ILDR2: variants seen among roughly 807,000 people sequenced by gnomAD.
ILDR2 encodes immunoglobulin-like domain-containing receptor 2.
ILDR2 carries 25 observed loss-of-function variants against 66.8 expected under a neutral mutation model. The ratio of observed to expected loss-of-function variants is 0.37; its 90% confidence interval spans 0.27 to 0.52. The LOEUF is 0.52. Ranked by LOEUF, ILDR2 falls within the 20% of genes least tolerant of loss-of-function variation. The pLI is 0.88. For missense variants in ILDR2, 827 were observed against 876.8 expected (o/e 0.94, Z 0.72); for synonymous variants, 367 against 357.2 (o/e 1.03, Z -0.31).
chr1:166,950,851 C>G (rs1214793951), intron 3 of ILDR2, among the ~76,000 whole-genome samples: 3 of 151,912 alleles, frequency 2.0e-5, no homozygotes, highest in African/African-American at 7.3e-5. Flanking sequence ...AGGAGCGTGA[C>G]AGGAAAACAA....
chr1:166,964,816 T>C (rs1571206143), intron 1 of ILDR2, among the ~76,000 whole-genome samples: 1 of 152,210 alleles, frequency 6.6e-6, no homozygotes, highest in Admixed American at 6.5e-5. Flanking sequence ...AGATTCTATA[T>C]ATGATGAACT....
intron 1 of ILDR2, among the ~76,000 whole-genome samples, chr1:166,962,152 TC>T (rs1422852220): frequency 6.6e-6 from 1 of 152,186 alleles, no homozygotes; most frequent in African/African-American, 2.4e-5. Context: ...ATGAATGCCA[TC>T]CAGTCCCCAA....
In ILDR2 at chr1:166,965,570, G is replaced by GTTTTTT. The variant is rs535388259; in HGVS notation, c.47-7475_47-7470dup. On this transcript the variant is annotated intron_variant, in intron 1 of 9. Transcript: ENST00000271417. ...TTTGCCTGCCTTCAAGTTAGGTTTTGTTTTTTTTTTTGTTTTTTTTTTGAC... is the reference window on the plus strand; with the variant it reads ...TTTGCCTGCCTTCAAGTTAGGTTTTGTTTTTTTTTTTTTTTTTGTTTTTTTTTTGAC... 8.8e-3 allele frequency among the ~76,000 whole-genome samples: 1,115 copies of GTTTTTT among 127,004 alleles called. 19 individuals are homozygous for GTTTTTT. Among genetic ancestry groups the GTTTTTT allele is most frequent in the Non-Finnish European group, 0.011 (663 of 61,406 alleles). The allele number at this position is 127,004 out of a possible 152,430, so 83.3% of individuals were successfully genotyped here.
At chr1:166,975,080 C>A in intron 1 of ILDR2, 143 bp downstream of exon 1, 1 of 646,192 alleles carries the variant, frequency 1.5e-6, no homozygotes, top group Non-Finnish European at 2.9e-6. Context: ...ACACGTTGCC[C>A]CCTCCCCCAC....
At chr1:166,968,232 A>T (rs1210579529) in intron 1 of ILDR2, among the ~76,000 whole-genome samples, 2 of 152,162 alleles carry the variant, frequency 1.3e-5, no homozygotes, top group Admixed American at 1.3e-4. Flanking sequence ...AGTTTTCAGA[A>T]AACATCATGC....
rs972830905 is a variant in ILDR2 at position 166,913,428 on chromosome 1, T to G, written c.*5927A>C. The stretch of plus-strand genomic sequence containing the variant: ...TCTTTATTCTCACACAGCAAATTTC[T>G]TATGCAGTCGTGTCTAATACTTTTG... On this transcript the variant is annotated 3_prime_UTR_variant, in exon 10 of 10. Transcript: ENST00000271417. 2 of 152,192 alleles carry G rather than the reference T, an allele frequency of 1.3e-5. No individual in the cohort carries two copies. The highest frequency in any genetic ancestry group is 2.9e-5 in the Non-Finnish European group (2 of 68,030). The allele number at this position is 152,192 out of a possible 1,614,324, so 9.4% of individuals were successfully genotyped here.
At chr1:166,947,372 G>T in intron 3 of ILDR2, among the ~76,000 whole-genome samples, 1 of 152,208 alleles carries the variant, frequency 6.6e-6, no homozygotes, top group East Asian at 1.9e-4. Flanking sequence ...GCACACACTT[G>T]GTAGGTCTCA....
chr1:166,973,618 C>CCG lies in ILDR2; in HGVS notation c.46+1604_46+1605insCG, dbSNP rs1553233625. Among the ~76,000 whole-genome samples the CCG allele has an allele frequency of 2.7e-4, 30 of 112,558 alleles. 2 individuals carry two copies. Among genetic ancestry groups the CCG allele is most frequent in the African/African-American group, 1.2e-3 (27 of 22,838 alleles). The allele number at this position is 112,558 out of a possible 152,430, so 73.8% of individuals were successfully genotyped here. On this transcript the variant is annotated intron_variant, in intron 1 of 9. Coordinates refer to ENST00000271417, the MANE Select transcript of ILDR2 (RefSeq NM_199351.3). ...CCTCTGACTCAGGGACCCCTCCCCC[C>CCG]CCCCCCCGATGCCTGGCTGACTTCA... is the stretch of plus-strand genomic sequence containing the variant.
intron 9 of ILDR2, 45 bp from the exon 10 acceptor site, chr1:166,919,435 T>TA: frequency 6.4e-7 from 1 of 1,567,186 alleles, no homozygotes; most frequent in Non-Finnish European, 8.7e-7. Flanking sequence ...ACATGCTAGT[T>TA]AAAGAAAACA....
At chr1:166,933,299 C>A (rs1235668316) in intron 6 of ILDR2, among the ~76,000 whole-genome samples, 1 of 152,180 alleles carries the variant, frequency 6.6e-6, no homozygotes, top group African/African-American at 2.4e-5. Context: ...AAAAGTGATA[C>A]AAGGAAGAGA....
At chr1:166,971,758 T>C (rs1032935529) in intron 1 of ILDR2, among the ~76,000 whole-genome samples, 4 of 152,190 alleles carry the variant, frequency 2.6e-5, no homozygotes, top group Non-Finnish European at 5.9e-5. Flanking sequence ...CAACTGTGCA[T>C]AGCTGAAAAC....
intron 2 of ILDR2, among the ~76,000 whole-genome samples, chr1:166,902,325 G>A (rs1659279157): frequency 6.6e-6 from 1 of 152,250 alleles, no homozygotes; most frequent in East Asian, 1.9e-4. Context: ...CCTTCTTCCT[G>A]TCCTTCCCAA....
rs1192932408 is a variant in ILDR2 at position 166,920,834 on chromosome 1, G to A, written c.1757C>T (p.Ala586Val). The A allele has an allele frequency of 3.3e-6, 5 of 1,517,668 alleles. No homozygotes were observed. The South Asian group carries it at 6.1e-5, about 19-fold the overall frequency. 94.0% of individuals were successfully genotyped at this position (1,517,668 alleles called of 1,614,324 possible). A position where few individuals can be genotyped will look rare whatever the true frequency, so the allele number is the denominator to read the frequency against. The change falls in exon 9 of 10, where the codon GCG becomes GTG. Residue 586 changes from alanine to valine, a missense_variant. By Grantham distance (64) the Ala-to-Val change is moderately conservative. Transcript: ENST00000271417. The stretch of plus-strand genomic sequence containing the variant: ...GTAGGGCGGCAGCGCGTCGTCGGAC[G>A]CGTCCTCCTGGTCGTCCTGCGACGA... Reference protein sequence around the residue: ...AGSSQDDQEDASDDALPPYSE... With the variant: ...AGSSQDDQEDVSDDALPPYSE...
chr1:166,940,445 C>G (rs1485775295), intron 3 of ILDR2, among the ~76,000 whole-genome samples: 1 of 152,168 alleles, frequency 6.6e-6, no homozygotes, highest in Non-Finnish European at 1.5e-5. Flanking sequence ...CATTATATCT[C>G]TAAACTAGTA....
intron 1 of ILDR2, among the ~76,000 whole-genome samples, chr1:166,970,197 G>C (rs1663201804): frequency 6.6e-6 from 1 of 152,144 alleles, no homozygotes; most frequent in Admixed American, 6.5e-5. Context: ...TTCCCAATAT[G>C]ACCACATTTA....
rs1240361201 is a variant in ILDR2 at position 166,915,091 on chromosome 1, C to T, written c.*4264G>A. 6.6e-6 allele frequency: 1 copy of T among 152,150 alleles called. No homozygotes were observed. Among genetic ancestry groups the T allele is most frequent in the African/African-American group, 2.4e-5 (1 of 41,418 alleles). The allele number at this position is 152,150 out of a possible 1,614,324, so 9.4% of individuals were successfully genotyped here. ...GAGAATGAGAAAATTACCTGTAATT[C>T]TTGTTGTCTGTTCTGAGACTGTCAC... On this transcript the variant is annotated 3_prime_UTR_variant, in exon 10 of 10. Coordinates refer to ENST00000271417, the MANE Select transcript of ILDR2 (RefSeq NM_199351.3).
At chr1:166,919,455 A>G in intron 9 of ILDR2, 65 bp from the exon 10 acceptor site, 1 of 1,492,010 alleles carries the variant, frequency 6.7e-7, no homozygotes, top group Non-Finnish European at 9.2e-7. Context: ...AACGAATAAC[A>G]GATGGTTCTC....
intron 1 of ILDR2, 90 bp from the exon 2 acceptor site, chr1:166,958,191 T>C: frequency 9.4e-7 from 1 of 1,069,518 alleles, no homozygotes; most frequent in Non-Finnish European, 1.4e-6. Context: ...TTCACTTCCC[T>C]AACTTGTGTC....
At chr1:166,952,179 C>G (rs1045424316) in intron 3 of ILDR2, among the ~76,000 whole-genome samples, 11 of 152,088 alleles carry the variant, frequency 7.2e-5, no homozygotes, top group Non-Finnish European at 1.3e-4. Flanking sequence ...TGGAGATGCC[C>G]CAGGGAACTT....
Sources: gnomAD v4.1 joint callset for allele counts (sites outside exome capture counted in the v4.1 genomes callset) on GRCh38, gnomAD v4.1.1 for gene constraint, MANE v1.5 for transcripts, NCBI Gene and HGNC (gene_info 2026-07-23, HGNC 2026-07-21) for gene names.